Variants in NEK5 observed in about 807,000 individuals in gnomAD.
The protein encoded by NEK5 is serine/threonine-protein kinase Nek5.
NEK5 carries 88 observed loss-of-function variants against 109.2 expected under a neutral mutation model. That is an observed-to-expected ratio of 0.81 (90% CI 0.68 to 0.96). The LOEUF (loss-of-function observed/expected upper bound fraction) is 0.96. NEK5 is among the 40% of genes least tolerant of loss of function. NEK5 has a pLI of 0.00. For synonymous variants in NEK5, 283 were observed against 299.9 expected (o/e 0.94, Z 0.58); for missense variants, 834 against 920.7 (o/e 0.91, Z 1.22).
intron 22 of NEK5, among the ~76,000 whole-genome samples, chr13:52,060,281 AT>A (rs1374306577): frequency 6.6e-6 from 1 of 152,214 alleles, no homozygotes; most frequent in Non-Finnish European, 1.5e-5. Context: ...TAAAATGTGT[AT>A]TCATTAACTG....
chr13:52,039,760 A>G (rs1341199323), intron 23 of NEK5, among the ~76,000 whole-genome samples: 1 of 152,102 alleles, frequency 6.6e-6, no homozygotes, highest in Admixed American at 6.5e-5. Context: ...CATCAGTCGA[A>G]TTTTAATTTC....
intron 11 of NEK5, among the ~76,000 whole-genome samples, 169 bp from the exon 12 acceptor site, chr13:52,100,045 ATTTC>A (rs1955498969): frequency 6.6e-6 from 1 of 152,154 alleles, no homozygotes; most frequent in Non-Finnish European, 1.5e-5. Flanking sequence ...TTAATATGCA[ATTTC>A]TTTAAATGAA....
chr13:52,087,242 G>A (rs1955165722), intron 15 of NEK5, 96 bp downstream of exon 15: 2 of 646,984 alleles, frequency 3.1e-6, no homozygotes, highest in East Asian at 2.6e-5. Flanking sequence ...CATATTCAGG[G>A]GCACTGTAGG....
intron 4 of NEK5, among the ~76,000 whole-genome samples, chr13:52,114,392 C>G (rs1373085440): frequency 6.6e-6 from 1 of 152,214 alleles, no homozygotes; most frequent in Admixed American, 6.5e-5. Context: ...GTACCCTAAC[C>G]AACTTTACTG....
chr13:52,089,641 C>G (rs1188923559), intron 13 of NEK5, among the ~76,000 whole-genome samples: 1 of 152,152 alleles, frequency 6.6e-6, no homozygotes, highest in Non-Finnish European at 1.5e-5. Context: ...GACCCACACC[C>G]AGAAGTTCTC....
intron 9 of NEK5, among the ~76,000 whole-genome samples, chr13:52,103,784 C>T (rs556076339): frequency 6.6e-6 from 1 of 152,110 alleles, no homozygotes; most frequent in Admixed American, 6.6e-5. Context: ...TGGGTATATC[C>T]GATGAGCTTT....
intron 23 of NEK5, among the ~76,000 whole-genome samples, chr13:52,045,865 GT>G (rs1954454569): frequency 6.6e-6 from 1 of 151,482 alleles, no homozygotes; most frequent in Non-Finnish European, 1.5e-5. Flanking sequence ...GAGGTCAGGG[GT>G]TTGAGACCAG....
At chr13:52,111,631 T>C (rs1955761472) in intron 5 of NEK5, among the ~76,000 whole-genome samples, 1 of 152,190 alleles carries the variant, frequency 6.6e-6, no homozygotes, top group Admixed American at 6.5e-5. Flanking sequence ...CTTGAGGCAA[T>C]GGCCTTACCA....
chr13:52,099,954 A>C, intron 11 of NEK5, 78 bp from the exon 12 acceptor site: 1 of 1,089,442 alleles, frequency 9.2e-7, no homozygotes, highest in South Asian at 1.4e-5. Context: ...AAGAGTATAA[A>C]CATAAGCTAC....
At chr13:52,055,027 A>G (rs918096076) in intron 22 of NEK5, among the ~76,000 whole-genome samples, 5 of 152,198 alleles carry the variant, frequency 3.3e-5, no homozygotes, top group African/African-American at 1.2e-4. Context: ...TTCAAACCAA[A>G]GGCAAAGAAG....
chr13:52,092,953 G>T, intron 13 of NEK5, 101 bp downstream of exon 13: 1 of 780,144 alleles, frequency 1.3e-6, no homozygotes, highest in Non-Finnish European at 2.0e-6. Flanking sequence ...AGTTCTTCTT[G>T]GATTATTTGT....
intron 22 of NEK5, among the ~76,000 whole-genome samples, chr13:52,055,556 C>T (rs1426576464): frequency 2.6e-5 from 4 of 152,128 alleles, no homozygotes; most frequent in Non-Finnish European, 5.9e-5. Context: ...AGAGAAATGT[C>T]AGGTTATCCT....
At chr13:52,069,516 G>A (rs1954750694) in intron 20 of NEK5, among the ~76,000 whole-genome samples, 1 of 152,086 alleles carries the variant, frequency 6.6e-6, no homozygotes, top group Non-Finnish European at 1.5e-5. Flanking sequence ...TATGCCCCAG[G>A]CCTTCAGTCT....
intron 5 of NEK5, 125 bp downstream of exon 5, chr13:52,112,143 G>A: frequency 2.1e-6 from 1 of 475,140 alleles, no homozygotes; most frequent in Non-Finnish European, 3.8e-6. Flanking sequence ...ACTATTTTAT[G>A]GTTTCAATCT....
At chr13:52,053,183 C>A (rs1169179771) in intron 22 of NEK5, among the ~76,000 whole-genome samples, 1 of 152,160 alleles carries the variant, frequency 6.6e-6, no homozygotes. Flanking sequence ...CGCCTGTAAT[C>A]CCAGCTGCTC....
rs773424018 is a variant in NEK5 at position 52,035,468 on chromosome 13, AAC to A, written c.*1478_*1479del. The A allele has an allele frequency of 6.6e-6, 1 of 152,210 alleles. No individual in the cohort carries two copies. The highest frequency in any genetic ancestry group is 1.5e-5 in the Non-Finnish European group (1 of 68,046). 9.4% of individuals were successfully genotyped at this position (152,210 alleles called of 1,614,324 possible). ...GCAGAATTCTACCACCCTGAAATGT[AAC>A]CACCCTCTCCTTCCTAAGCCCAGAC... On this transcript the variant is annotated 3_prime_UTR_variant, in exon 24 of 24. Coordinates refer to ENST00000684899, the MANE Select transcript of NEK5 (RefSeq NM_001365552.1).
chr13:52,104,294 C>T (rs1188546331), intron 9 of NEK5, among the ~76,000 whole-genome samples: 1 of 152,180 alleles, frequency 6.6e-6, no homozygotes, highest in Non-Finnish European at 1.5e-5. Flanking sequence ...AAATATGCTA[C>T]ACATACTATT....
chr13:52,114,768 C>T (rs187108318), intron 4 of NEK5, among the ~76,000 whole-genome samples: 2 of 152,026 alleles, frequency 1.3e-5, no homozygotes, highest in African/African-American at 4.8e-5. Context: ...GTCTAGAGAT[C>T]GGTTATTTTC....
At position 52,101,057 on chromosome 13, in the gene NEK5, C is replaced by T. The variant is rs1466602748; in HGVS notation, c.892+876G>A. ...AGTAATTTTCTCTTTCTTAACGTACCCCTCCCTCTGACACACAGCTTAGCT... is the reference window on the plus strand; with the variant it reads ...AGTAATTTTCTCTTTCTTAACGTACTCCTCCCTCTGACACACAGCTTAGCT... On this transcript the variant is annotated intron_variant, in intron 11 of 23. Transcript: ENST00000684899. Among the ~76,000 whole-genome samples, 3 of 152,046 alleles carry T rather than the reference C, an allele frequency of 2.0e-5. No individual in the cohort carries two copies. The East Asian group carries it at 5.8e-4, about 29-fold the overall frequency.
Sources: allele counts gnomAD v4.1 joint callset (sites outside exome capture counted in the v4.1 genomes callset), GRCh38; gene constraint gnomAD v4.1.1; transcripts MANE v1.5; gene names NCBI Gene and HGNC (gene_info 2026-07-23, HGNC 2026-07-21).